DAAM1: variants seen among roughly 807,000 people sequenced by gnomAD.
The protein encoded by DAAM1 is disheveled-associated activator of morphogenesis 1.
DAAM1 carries 52 observed loss-of-function variants against 130.0 expected under a neutral mutation model. The ratio of observed to expected loss-of-function variants is 0.40; its 90% CI spans 0.32 to 0.50. DAAM1 has a LOEUF of 0.50. Among genes scored for constraint, DAAM1 ranks in the 20% least tolerant of loss-of-function variants. The pLI, the probability that DAAM1 is intolerant of heterozygous loss-of-function variation, is 0.61. For missense variants in DAAM1, 1,134 were observed against 1,303.8 expected, an observed-to-expected ratio of 0.87 and a Z score of 2.01; for synonymous variants, 452 against 444.5, an observed-to-expected ratio of 1.02 and a Z score of -0.21.
intron 15 of DAAM1, among the ~76,000 whole-genome samples, chr14:59,335,525 T>A (rs112282184): frequency 8.1e-4 from 124 of 152,338 alleles, no homozygotes; most frequent in African/African-American, 2.8e-3. Context: ...CATCCCTAGA[T>A]GCTATAAATT....
At chr14:59,303,390 G>A (rs1884254031) in intron 3 of DAAM1, among the ~76,000 whole-genome samples, 3 of 152,138 alleles carry the variant, frequency 2.0e-5, no homozygotes, top group South Asian at 2.1e-4. Flanking sequence ...GTGGTCCCCT[G>A]AGGGACATAC....
At chr14:59,222,087 CTG>C (rs1487078035) in intron 1 of DAAM1, among the ~76,000 whole-genome samples, 1 of 152,200 alleles carries the variant, frequency 6.6e-6, no homozygotes, top group Non-Finnish European at 1.5e-5. Context: ...TAGCATGTAA[CTG>C]AGTCTTCAGA....
chr14:59,352,398 T>C (rs1165659956), intron 17 of DAAM1, 128 bp from the exon 18 acceptor site: 3 of 641,226 alleles, frequency 4.7e-6, no homozygotes, highest in Non-Finnish European at 7.8e-6. Flanking sequence ...TCTTAACCTG[T>C]GAGCAGAGCT....
intron 6 of DAAM1, 139 bp downstream of exon 6, chr14:59,323,364 CCTT>C (rs1247656978): frequency 1.1e-5 from 10 of 923,650 alleles, no homozygotes; most frequent in African/African-American, 1.0e-4. Context: ...TTAAACATTC[CCTT>C]CTTCTTAGGT....
chr14:59,248,585 A>C (rs966335296), intron 1 of DAAM1, among the ~76,000 whole-genome samples: 1 of 152,158 alleles, frequency 6.6e-6, no homozygotes, highest in Non-Finnish European at 1.5e-5. Context: ...AGCTTTGTTT[A>C]ATGAAAAGAG....
chr14:59,255,246 A>G (rs1034799511), intron 1 of DAAM1, among the ~76,000 whole-genome samples: 1 of 152,136 alleles, frequency 6.6e-6, no homozygotes, highest in Non-Finnish European at 1.5e-5. Flanking sequence ...GATCAAGTGT[A>G]TGGGCAGGGC....
chr14:59,310,333 A>G (rs1884539472), intron 3 of DAAM1, among the ~76,000 whole-genome samples: 3 of 152,154 alleles, frequency 2.0e-5, no homozygotes, highest in South Asian at 2.1e-4. Context: ...GGGTTTCACC[A>G]TATTGGCCAG....
At chr14:59,227,318 T>C (rs919169986) in intron 1 of DAAM1, among the ~76,000 whole-genome samples, 1 of 152,102 alleles carries the variant, frequency 6.6e-6, no homozygotes, top group Non-Finnish European at 1.5e-5. Flanking sequence ...GAAAGTATGC[T>C]TTCAGGGAAT....
chr14:59,281,963 C>T (rs1883243422), intron 2 of DAAM1, among the ~76,000 whole-genome samples: 1 of 152,170 alleles, frequency 6.6e-6, no homozygotes, highest in Non-Finnish European at 1.5e-5. Context: ...GTGTAACTCT[C>T]CTCACTCAGA....
intron 1 of DAAM1, among the ~76,000 whole-genome samples, chr14:59,245,168 G>T (rs1254014236): frequency 6.6e-6 from 1 of 152,184 alleles, no homozygotes; most frequent in Middle Eastern, 3.2e-3. Flanking sequence ...CAAATGCAAA[G>T]ACTAATTTTC....
chr14:59,367,504 C>T lies in DAAM1; in HGVS notation c.2902C>T (p.Gln968Ter). Residue 968 changes from glutamine (Q) to a stop codon, truncating the protein, a stop_gained, in exon 24 of 25, where the codon CAA becomes TAA. Transcript: ENST00000360909. LOFTEE classifies it high-confidence loss of function. ...QPDEFFGIFD[Q>*]FLQAVSEAKQ... ...AGATGAGTTCTTTGGCATTTTTGAT[C>T]AATTTCTTCAAGCTGTGTCAGAAGC... The T allele has an allele frequency of 6.2e-7, 1 of 1,613,582 alleles. No individual in the cohort carries two copies. Among genetic ancestry groups the T allele is most frequent in the Non-Finnish European group, 8.5e-7 (1 of 1,179,772 alleles).
chr14:59,235,096 G>T (rs1843778247), intron 1 of DAAM1, among the ~76,000 whole-genome samples: 1 of 152,048 alleles, frequency 6.6e-6, no homozygotes, highest in Non-Finnish European at 1.5e-5. Context: ...ATATTGGCCT[G>T]AAGTTTTCTT....
chr14:59,367,268 A>G (rs2139695367), intron 23 of DAAM1, among the ~76,000 whole-genome samples, 161 bp from the exon 24 acceptor site: 1 of 152,338 alleles, frequency 6.6e-6, no homozygotes, highest in Middle Eastern at 3.4e-3. Context: ...AGCCTGGGTG[A>G]TGGCGAAACT....
chr14:59,210,205 C>T (rs1253763317), intron 1 of DAAM1, among the ~76,000 whole-genome samples: 1 of 152,176 alleles, frequency 6.6e-6, no homozygotes, highest in Non-Finnish European at 1.5e-5. Context: ...CAAATTGACG[C>T]TCTTGACAGT....
intron 1 of DAAM1, among the ~76,000 whole-genome samples, chr14:59,235,586 C>A (rs1289483415): frequency 2.0e-5 from 3 of 152,072 alleles, no homozygotes; most frequent in Non-Finnish European, 4.4e-5. Flanking sequence ...TTTCAAAAAA[C>A]CAGCTCCTGG....
chr14:59,286,732 A>T (rs2139555529), intron 2 of DAAM1, among the ~76,000 whole-genome samples: 1 of 152,294 alleles, frequency 6.6e-6, no homozygotes, highest in South Asian at 2.1e-4. Flanking sequence ...TTGAACCAGG[A>T]AGAAATTTAA....
At chr14:59,270,146 T>C (rs1882644835) in intron 2 of DAAM1, among the ~76,000 whole-genome samples, 1 of 152,204 alleles carries the variant, frequency 6.6e-6, no homozygotes, top group African/African-American at 2.4e-5. Flanking sequence ...TTGTGATAGA[T>C]GTCATGTATC....
chr14:59,347,708 A>T, intron 17 of DAAM1, 85 bp downstream of exon 17: 1 of 1,306,146 alleles, frequency 7.7e-7, no homozygotes, highest in Non-Finnish European at 1.1e-6. Flanking sequence ...GGTTGTTGCT[A>T]GTGGATCATT....
Position 59,370,572 on chromosome 14 carries a change from G to A in DAAM1, c.*1713G>A, listed in dbSNP as rs948845298. 1 of 152,104 alleles carries A rather than the reference G, an allele frequency of 6.6e-6. No individual in the cohort carries two copies. Among genetic ancestry groups the A allele is most frequent in the African/African-American group, 2.4e-5 (1 of 41,436 alleles). The allele number at this position is 152,104 out of a possible 1,614,324, so 9.4% of individuals were successfully genotyped here. Reference sequence around the variant, plus strand: ...GAAATAGTGCTCTAAGAGTTGTCAAGAGCTGTGGTTTTACATCTTTTCCTC... The same window carrying A: ...GAAATAGTGCTCTAAGAGTTGTCAAAAGCTGTGGTTTTACATCTTTTCCTC... On this transcript the variant is annotated 3_prime_UTR_variant, in exon 25 of 25. Coordinates refer to ENST00000360909, the MANE Select transcript of DAAM1 (RefSeq NM_001270520.2).
Sources: gnomAD v4.1 joint callset for allele counts (sites outside exome capture counted in the v4.1 genomes callset) on GRCh38, gnomAD v4.1.1 for gene constraint, MANE v1.5 for transcripts, NCBI Gene and HGNC (gene_info 2026-07-23, HGNC 2026-07-21) for gene names.